The following PCNX4 variants were observed in gnomAD, a reference collection of about 807,000 sequenced individuals.
The protein encoded by PCNX4 is pecanex-like protein 4.
Under a neutral mutation model 107.2 loss-of-function variants are expected in PCNX4, and 103 were observed. That is an observed-to-expected ratio of 0.96 (90% CI 0.82 to 1.13). The LOEUF (loss-of-function observed/expected upper bound fraction) is 1.13. Among genes scored for constraint, PCNX4 ranks in the 50% most tolerant of loss-of-function variants. PCNX4 has a pLI of 0.00. For synonymous variants in PCNX4, 541 were observed against 481.7 expected (o/e 1.12, Z -1.61); for missense variants, 1,528 against 1,379.4 (o/e 1.11, Z -1.71).
In PCNX4 at chr14:60,139,786, T is replaced by C. The variant is rs1896286094; in HGVS notation, c.*5565T>C. 1 of 152,048 alleles carries C rather than the reference T, an allele frequency of 6.6e-6. No individual in the cohort carries two copies. Among genetic ancestry groups the C allele is most frequent in the Admixed American group, 6.5e-5 (1 of 15,268 alleles). 9.4% of individuals were successfully genotyped at this position (152,048 alleles called of 1,614,324 possible). On this transcript the variant is annotated 3_prime_UTR_variant, in exon 11 of 11. Coordinates refer to ENST00000406854, the MANE Select transcript of PCNX4 (RefSeq NM_001330177.2). ...TCAAAAATAGAAAAATTCTATTAAG[T>C]TCATAAATTAAGAAATACACTTTTA...
chr14:60,127,984 A>G (rs549831835), intron 10 of PCNX4, among the ~76,000 whole-genome samples: 9 of 152,202 alleles, frequency 5.9e-5, no homozygotes, highest in Non-Finnish European at 1.3e-4. Context: ...TCAACAGTAG[A>G]TTTAAACTGG....
At chr14:60,121,109 T>C (rs567285522) in intron 7 of PCNX4, 87 bp from the exon 8 acceptor site, 4 of 1,472,716 alleles carry the variant, frequency 2.7e-6, no homozygotes, top group South Asian at 2.8e-5. Flanking sequence ...TAGATGTCTT[T>C]TTAGTTTTGA....
intron 1 of PCNX4, among the ~76,000 whole-genome samples, chr14:60,093,102 T>C (rs558077311): frequency 6.6e-6 from 1 of 152,332 alleles, no homozygotes; most frequent in African/African-American, 2.4e-5. Flanking sequence ...TTTTCACGAA[T>C]TTAACTGTTT....
In PCNX4 at chr14:60,100,492, T is replaced by C. The variant is rs556848205; in HGVS notation, c.-53-7094T>C. ...TTTTGTATTTTTAGTAGAAATGGGG[T>C]TTTGCCCTGTTGGCCAGGCTGGTCT... is the stretch of plus-strand genomic sequence containing the variant. On this transcript the variant is annotated intron_variant, in intron 1 of 10. Transcript: ENST00000406854. Among the ~76,000 whole-genome samples, 448 of 152,264 alleles carry C rather than the reference T, an allele frequency of 2.9e-3. 1 individual carries two copies. Among genetic ancestry groups the C allele is most frequent in the Admixed American group, 4.6e-3 (71 of 15,302 alleles).
Position 60,146,429 on chromosome 14 carries a change from T to C in PCNX4, c.*12208T>C, listed in dbSNP as rs1896408229. The stretch of plus-strand genomic sequence containing the variant: ...AATATATTCTTTCTCTGCCCTATTA[T>C]TTAAATTGAGAATGTGAACCAGTAC... On this transcript the variant is annotated 3_prime_UTR_variant, in exon 11 of 11. Transcript: ENST00000406854. This position sits in a 1 kb window ranked among gnomAD's most constrained non-coding sequence, Gnocchi z 4.9. 6.6e-6 allele frequency: 1 copy of C among 152,122 alleles called. No homozygotes were observed. Among genetic ancestry groups the C allele is most frequent in the Non-Finnish European group, 1.5e-5 (1 of 68,004 alleles). The allele number at this position is 152,122 out of a possible 1,614,324, so 9.4% of individuals were successfully genotyped here. A position where few individuals can be genotyped will look rare whatever the true frequency, so the allele number is the denominator to read the frequency against.
chr14:60,094,280 G>T (rs1251145625), intron 1 of PCNX4, among the ~76,000 whole-genome samples: 1 of 149,936 alleles, frequency 6.7e-6, no homozygotes, highest in Non-Finnish European at 1.5e-5. Flanking sequence ...ACACTTTGTA[G>T]ATTCCTCTTG....
At position 60,124,827 on chromosome 14, in the gene PCNX4, G is replaced by A; in HGVS notation, c.2656G>A (p.Val886Ile). The change falls in exon 9 of 11, where the codon GTT becomes ATT. Residue 886 changes from valine to isoleucine, a missense_variant. Coordinates refer to ENST00000406854, the MANE Select transcript of PCNX4 (RefSeq NM_001330177.2). ...AGCAGTTCTATTAGGATACCCTGCT[G>A]TTGACAAAGGAAAACAAGAGGACAT... The part of the protein sequence containing the change: ...YKAVLLGYPA[V>I]DKGKQEDMPY... 3 of 1,613,808 alleles carry A rather than the reference G, an allele frequency of 1.9e-6. No homozygotes were observed. In the African/African-American group the frequency reaches 4.0e-5, roughly 22 times the overall value.
chr14:60,124,840 A>G lies in PCNX4; in HGVS notation c.2669A>G (p.Lys890Arg). The change falls in exon 9 of 11, where the codon AAA (lysine) becomes AGA (arginine). Residue 890 changes from lysine (K) to arginine (R), a missense_variant. Lys to Arg is a conservative substitution (Grantham distance 26, BLOSUM62 2). Transcript: ENST00000406854. ...GGATACCCTGCTGTTGACAAAGGAA[A>G]ACAAGAGGACATGCCATATATTCCT... ...LLGYPAVDKG[K>R]QEDMPYIPLM... 4 of 1,613,838 alleles carry G rather than the reference A, an allele frequency of 2.5e-6. No homozygotes were observed. Among genetic ancestry groups the G allele is most frequent in the African/African-American group, 1.3e-5 (1 of 75,026 alleles).
At position 60,098,530 on chromosome 14, in the gene PCNX4, T is replaced by A. The variant is rs567482077; in HGVS notation, c.-54+6111T>A. On this transcript the variant is annotated intron_variant, in intron 1 of 10. Transcript: ENST00000406854. ...TCCAAAGAGATGTTAACGTGCTTGT[T>A]CCTTTTCAGTCTTTCTTTTCTAGTA... Among the ~76,000 whole-genome samples, 163 of 152,348 alleles carry A rather than the reference T, an allele frequency of 1.1e-3. 1 individual carries two copies. Among genetic ancestry groups the A allele is most frequent in the South Asian group, 2.3e-3 (11 of 4,832 alleles).
chr14:60,144,800 TC>T lies in PCNX4; in HGVS notation c.*10580del, dbSNP rs1387135628. Reference sequence around the variant, plus strand: ...ACCTTTTTTGCAAGATTCATGGCAATCTTTTATTATTTATTTTTTATTTCAT... The same window carrying T: ...ACCTTTTTTGCAAGATTCATGGCAATTTTTATTATTTATTTTTTATTTCAT... On this transcript the variant is annotated 3_prime_UTR_variant, in exon 11 of 11. Transcript: ENST00000406854. The T allele has an allele frequency of 2.5e-5, 16 of 636,664 alleles. No homozygotes were observed. The African/African-American group carries it at 2.6e-4, about 11-fold the overall frequency. 39.4% of individuals were successfully genotyped at this position (636,664 alleles called of 1,614,324 possible).
chr14:60,114,789 C>G lies in PCNX4; in HGVS notation c.779C>G (p.Thr260Ser), dbSNP rs374895763. ...VFLPFLWALG[T>S]LPPPDALLLW... ...TTACCCTTTCTGTGGGCACTTGGGA[C>G]TCTGCCCCCACCCGATGCACTTCTC... Residue 260 changes from threonine to serine, a missense_variant, in exon 3 of 11, where the codon ACT becomes AGT. Physicochemically the swap from Thr to Ser is moderately conservative, Grantham distance 58. Coordinates refer to ENST00000406854, the MANE Select transcript of PCNX4 (RefSeq NM_001330177.2). The G allele has an allele frequency of 2.5e-6, 4 of 1,613,818 alleles. No individual in the cohort carries two copies. Among genetic ancestry groups the G allele is most frequent in the Non-Finnish European group, 3.4e-6 (4 of 1,179,842 alleles).
At position 60,108,164 on chromosome 14, in the gene PCNX4, C is replaced by T; in HGVS notation, c.526C>T (p.Leu176=). 7 of 1,612,878 alleles carry T rather than the reference C, an allele frequency of 4.3e-6. No individual in the cohort carries two copies. The highest frequency in any genetic ancestry group is 5.9e-6 in the Non-Finnish European group (7 of 1,179,888). The stretch of plus-strand genomic sequence containing the variant: ...TGGCAGTACAGGAGGCACTGCTCTA[C>T]TATTCTTCTTTGGATGGATGACACT... ...LYGSTGGTAL[L]FFFGWMTLCI... Residue 176 remains leucine (L), a synonymous_variant, in exon 2 of 11, where the codon CTA becomes TTA. Coordinates refer to ENST00000406854, the MANE Select transcript of PCNX4 (RefSeq NM_001330177.2).
At position 60,114,776 on chromosome 14, in the gene PCNX4, TG is replaced by T; in HGVS notation, c.769del (p.Ala257HisfsTer20). 6.2e-7 allele frequency: 1 copy of T among 1,613,906 alleles called. No individual in the cohort carries two copies. The highest frequency in any genetic ancestry group is 1.1e-5 in the South Asian group (1 of 91,084). ...HILFVFLPFL[W>X]ALGTLPPPDA... ...CTTGTTTGTATTTTTACCCTTTCTG[TG>T]GGCACTTGGGACTCTGCCCCCACCC... is the stretch of plus-strand genomic sequence containing the variant. On this transcript the variant is annotated frameshift_variant, in exon 3 of 11. Coordinates refer to ENST00000406854, the MANE Select transcript of PCNX4 (RefSeq NM_001330177.2). LOFTEE classifies it high-confidence loss of function.
chr14:60,115,664 G>T, intron 4 of PCNX4, 55 bp from the exon 5 acceptor site: 1 of 1,472,898 alleles, frequency 6.8e-7, no homozygotes, highest in South Asian at 1.2e-5. Flanking sequence ...AATAAAATAT[G>T]GTAGAAGGAG....
chr14:60,115,409 G>GC lies in PCNX4; in HGVS notation c.1306dup (p.Gln436ProfsTer3). On this transcript the variant is annotated frameshift_variant, in exon 4 of 11. Coordinates refer to ENST00000406854, the MANE Select transcript of PCNX4 (RefSeq NM_001330177.2). LOFTEE classifies it high-confidence loss of function. ...AAACTGTGACTGTATTCTTTGAGAA[G>GC]CAAACTAGGCTCATGAAGATTGGTA... is the stretch of plus-strand genomic sequence containing the variant. 1 of 1,560,460 alleles carries GC rather than the reference G, an allele frequency of 6.4e-7. No homozygotes were observed. Among genetic ancestry groups the GC allele is most frequent in the Non-Finnish European group, 8.7e-7 (1 of 1,155,906 alleles).
chr14:60,107,311 G>A (rs1036192311), intron 1 of PCNX4, among the ~76,000 whole-genome samples: 1 of 152,168 alleles, frequency 6.6e-6, no homozygotes, highest in East Asian at 1.9e-4. Context: ...GAGCTTGGGA[G>A]GTCAAGGCTG....
intron 6 of PCNX4, among the ~76,000 whole-genome samples, chr14:60,117,228 G>C (rs1895866781): frequency 6.6e-6 from 1 of 152,152 alleles, no homozygotes; most frequent in African/African-American, 2.4e-5. Context: ...CTCACTTAGA[G>C]CAACTTCTAG....
At chr14:60,120,436 G>A (rs896440207) in intron 7 of PCNX4, among the ~76,000 whole-genome samples, 3 of 152,156 alleles carry the variant, frequency 2.0e-5, no homozygotes, top group Non-Finnish European at 4.4e-5. Context: ...TTATCAGGTA[G>A]GGGGTTCCCA....
chr14:60,111,611 C>T (rs1367065713), intron 2 of PCNX4, among the ~76,000 whole-genome samples: 1 of 152,018 alleles, frequency 6.6e-6, no homozygotes, highest in East Asian at 1.9e-4. Flanking sequence ...AATTGAATGC[C>T]TGATGTAATC....
Sources: allele counts gnomAD v4.1 joint callset (sites outside exome capture counted in the v4.1 genomes callset), GRCh38; gene constraint gnomAD v4.1.1; non-coding constraint Gnocchi (gnomAD v3.1); transcripts MANE v1.5; gene names NCBI Gene and HGNC (gene_info 2026-07-23, HGNC 2026-07-21).